The following EPN2 variants were observed in gnomAD, a reference collection of about 807,000 sequenced individuals.
EPN2 encodes the protein epsin 2.
In EPN2, 34 loss-of-function variants were observed where a neutral mutation model predicts 61.7. That is an observed-to-expected ratio of 0.55 (90% confidence interval 0.42 to 0.73). The LOEUF is 0.73. Among genes scored for constraint, EPN2 ranks in the 30% least tolerant of loss-of-function variants. The pLI is 0.00. For synonymous variants in EPN2, 349 were observed against 353.6 expected (o/e 0.99, Z 0.15); for missense variants, 714 against 839.2 (o/e 0.85, Z 1.84).
intron 8 of EPN2, chr17:19,329,126 G>C (rs530160742): frequency 2.0e-6 from 1 of 496,126 alleles, no homozygotes; most frequent in South Asian, 3.3e-5. Flanking sequence ...TTCCACCTGG[G>C]TGTTGAGAGA....
intron 9 of EPN2, among the ~76,000 whole-genome samples, chr17:19,329,936 C>T (rs1243897035): frequency 6.6e-6 from 1 of 152,210 alleles, no homozygotes; most frequent in Non-Finnish European, 1.5e-5. Flanking sequence ...TGGCCTGATC[C>T]AGCATTTCCA....
chr17:19,297,857 T>C (rs1249466719), intron 4 of EPN2, among the ~76,000 whole-genome samples: 2 of 152,192 alleles, frequency 1.3e-5, no homozygotes, highest in Non-Finnish European at 2.9e-5. Context: ...GATACTTAGT[T>C]ATATTTATTT....
At chr17:19,278,071 CAAA>C (rs141413016) in intron 1 of EPN2, among the ~76,000 whole-genome samples, 2 of 134,620 alleles carry the variant, frequency 1.5e-5, no homozygotes, top group Non-Finnish European at 1.6e-5. Flanking sequence ...GACTATGTCT[CAAA>C]AAAAAAAAAA....
intron 1 of EPN2, among the ~76,000 whole-genome samples, chr17:19,239,746 A>G (rs1219254461): frequency 1.3e-5 from 2 of 152,242 alleles, no homozygotes; most frequent in African/African-American, 4.8e-5. Flanking sequence ...TGAGCTGGCC[A>G]GATGGAGAGC....
Position 19,335,227 on chromosome 17 carries a change from T to A in EPN2, c.*973T>A. ...CCTAGCCTCCAGTTGCCTTTTCCTT[T>A]CTTTAGCTCCTGTTTTTGGTGAATT... On this transcript the variant is annotated 3_prime_UTR_variant, in exon 11 of 11. Transcript: ENST00000314728. 2.0e-6 allele frequency: 1 copy of A among 495,810 alleles called. No homozygotes were observed. Among genetic ancestry groups the A allele is most frequent in the Non-Finnish European group, 3.3e-6 (1 of 300,430 alleles). The allele number at this position is 495,810 out of a possible 1,614,324, so 30.7% of individuals were successfully genotyped here. A position where few individuals can be genotyped will look rare whatever the true frequency, so the allele number is the denominator to read the frequency against.
chr17:19,301,906 G>A (rs2152226922), intron 4 of EPN2, among the ~76,000 whole-genome samples: 1 of 152,368 alleles, frequency 6.6e-6, no homozygotes, highest in East Asian at 1.9e-4. Flanking sequence ...GTGTGGGTGT[G>A]CGCATGTAAC....
At chr17:19,269,355 C>T (rs913358055) in intron 1 of EPN2, among the ~76,000 whole-genome samples, 5 of 152,150 alleles carry the variant, frequency 3.3e-5, no homozygotes, top group East Asian at 1.9e-4. Context: ...GGAAGTTTAC[C>T]TTTCAACATG....
intron 1 of EPN2, among the ~76,000 whole-genome samples, chr17:19,250,255 T>C (rs1451504184): frequency 2.0e-5 from 3 of 151,944 alleles, no homozygotes; most frequent in South Asian, 2.1e-4. Flanking sequence ...CGACCATGCC[T>C]GGCTAATTTT....
At chr17:19,329,855 G>A (rs1907077423) in intron 9 of EPN2, among the ~76,000 whole-genome samples, 1 of 152,220 alleles carries the variant, frequency 6.6e-6, no homozygotes. Flanking sequence ...TATGTCTCCA[G>A]GTTAGGATCC....
Position 19,283,443 on chromosome 17 carries a change from C to T in EPN2, c.324C>T (p.Asp108=). The T allele has an allele frequency of 6.2e-7, 1 of 1,614,224 alleles. No homozygotes were observed. The highest frequency in any genetic ancestry group is 1.1e-5 in the South Asian group (1 of 91,086). ...TCTTCGCCATCCAGACCCTGAAGGACTTCCAGTACATTGACCGAGATGGCA... is the reference window on the plus strand; with the variant it reads ...TCTTCGCCATCCAGACCCTGAAGGATTTCCAGTACATTGACCGAGATGGCA... ...ENIFAIQTLK[D]FQYIDRDGKD... is the part of the protein sequence containing the mutation. The change falls in exon 3 of 11, where the codon GAC becomes GAT. Residue 108 remains aspartate (D), a synonymous_variant. Coordinates refer to ENST00000314728, the MANE Select transcript of EPN2 (RefSeq NM_014964.5). The surrounding 1 kb of genome is among the most constrained non-coding windows in gnomAD (Gnocchi z 7.0).
intron 6 of EPN2, 85 bp downstream of exon 6, chr17:19,312,229 G>GT (rs1341398613): frequency 1.1e-6 from 1 of 902,860 alleles, no homozygotes; most frequent in African/African-American, 1.6e-5. Context: ...CCTGGATGGC[G>GT]TGATGCACAG....
intron 4 of EPN2, among the ~76,000 whole-genome samples, chr17:19,302,069 G>C (rs1905552190): frequency 6.6e-6 from 1 of 152,220 alleles, no homozygotes; most frequent in Non-Finnish European, 1.5e-5. Flanking sequence ...CAGTGGGAAG[G>C]GTTGGTAATG....
intron 1 of EPN2, among the ~76,000 whole-genome samples, chr17:19,262,809 C>T (rs1306776569): frequency 6.6e-6 from 1 of 152,266 alleles, no homozygotes; most frequent in Non-Finnish European, 1.5e-5. Context: ...TTTGCCTGTT[C>T]TGGACATTCC....
chr17:19,241,334 C>T (rs2044882148), intron 1 of EPN2, among the ~76,000 whole-genome samples: 2 of 152,262 alleles, frequency 1.3e-5, no homozygotes, highest in South Asian at 4.1e-4. Context: ...CCTGTAATTC[C>T]AGCACTTTGG....
intron 1 of EPN2, among the ~76,000 whole-genome samples, chr17:19,281,500 C>T (rs186312282): frequency 6.6e-6 from 1 of 152,244 alleles, no homozygotes; most frequent in Non-Finnish European, 1.5e-5. Context: ...CTTTTGTTTA[C>T]TTGCTTGTTT....
At chr17:19,273,378 G>C (rs2045274475) in intron 1 of EPN2, 2 of 152,194 alleles carry the variant, frequency 1.3e-5, no homozygotes, top group Admixed American at 1.3e-4. Flanking sequence ...TCCCAGGGGA[G>C]ACAAGTAAGC....
At chr17:19,267,006 AT>A (rs1373381874) in intron 1 of EPN2, among the ~76,000 whole-genome samples, 4 of 148,610 alleles carry the variant, frequency 2.7e-5, no homozygotes, top group African/African-American at 7.4e-5. Context: ...CGCCTGGCTA[AT>A]TTTTTGTATT....
At chr17:19,302,859 G>A (rs543875926) in intron 4 of EPN2, among the ~76,000 whole-genome samples, 1 of 152,316 alleles carries the variant, frequency 6.6e-6, no homozygotes, top group Admixed American at 6.5e-5. Context: ...CTGAGCCCAG[G>A]CATGGACTTG....
intron 1 of EPN2, chr17:19,257,860 G>A (rs1360222058): frequency 2.6e-5 from 4 of 152,164 alleles, no homozygotes; most frequent in African/African-American, 7.2e-5. Flanking sequence ...TTAGTCCTCA[G>A]GGGTCTTTAT....
Sources: gnomAD v4.1 joint callset for allele counts (sites outside exome capture counted in the v4.1 genomes callset) on GRCh38, gnomAD v4.1.1 for gene constraint, Gnocchi (gnomAD v3.1) non-coding constraint, MANE v1.5 for transcripts, NCBI Gene and HGNC (gene_info 2026-07-23, HGNC 2026-07-21) for gene names.